ZMIZ1: variants seen among roughly 807,000 people sequenced by gnomAD.
ZMIZ1 encodes zinc finger MIZ domain-containing protein 1.
ZMIZ1 carries 17 observed loss-of-function variants against 113.9 expected under a neutral mutation model. The observed-to-expected ratio is 0.15, with a 90% confidence interval of 0.10 to 0.22. The LOEUF is 0.22. ZMIZ1 is among the 10% of genes least tolerant of loss of function. The pLI is 1.00. For missense variants in ZMIZ1, 1,059 were observed against 1,477.8 expected (o/e 0.72, Z 4.65); for synonymous variants, 607 against 603.1 (o/e 1.01, Z -0.09).
At chr10:79,284,402 A>C (rs1432397786) in intron 8 of ZMIZ1, among the ~76,000 whole-genome samples, 2 of 152,222 alleles carry the variant, frequency 1.3e-5, no homozygotes, top group Non-Finnish European at 2.9e-5. Context: ...AGGCAGAAGA[A>C]AAATGAAGAA....
chr10:79,215,996 G>C (rs184381922), intron 6 of ZMIZ1, among the ~76,000 whole-genome samples, 173 bp from the exon 7 acceptor site: 23 of 152,328 alleles, frequency 1.5e-4, no homozygotes, highest in Admixed American at 6.5e-4. Context: ...CACGGAAGAG[G>C]TGTTCATCAG....
chr10:79,254,237 G>C (rs1850735864), intron 7 of ZMIZ1, among the ~76,000 whole-genome samples: 3 of 152,194 alleles, frequency 2.0e-5, no homozygotes, highest in Admixed American at 2.0e-4. Context: ...TCTCAGGGTG[G>C]CCTGTTTGAG....
rs1855125606 is a variant in ZMIZ1 at position 79,311,121 on chromosome 10, C to G, written c.3033C>G (p.Ser1011=). 6.2e-7 allele frequency: 1 copy of G among 1,613,686 alleles called. No individual in the cohort carries two copies. Among genetic ancestry groups the G allele is most frequent in the Non-Finnish European group, 8.5e-7 (1 of 1,180,048 alleles). The change falls in exon 24 of 25, where the codon TCC becomes TCG. Residue 1011 remains serine, a synonymous_variant. Coordinates refer to ENST00000334512, the MANE Select transcript of ZMIZ1 (RefSeq NM_020338.4). ...HPHSDLTFNP[S]SALEGQAGAQ... Reference sequence around the variant, plus strand: ...ACAGCGACCTGACCTTTAACCCCTCCTCAGCCTTAGAGGGTCAGGCCGGAG... The same window carrying G: ...ACAGCGACCTGACCTTTAACCCCTCGTCAGCCTTAGAGGGTCAGGCCGGAG...
intron 2 of ZMIZ1, among the ~76,000 whole-genome samples, chr10:79,129,691 A>AGGG (rs1844667579): frequency 6.6e-6 from 1 of 152,134 alleles, no homozygotes; most frequent in Non-Finnish European, 1.5e-5. Flanking sequence ...ATTTGCACTG[A>AGGG]GGGCTTTAGT....
At chr10:79,290,881 CCCCTCTTCATTTAT>C in intron 9 of ZMIZ1, 64 bp from the exon 10 acceptor site, 2 of 1,531,376 alleles carry the variant, frequency 1.3e-6, no homozygotes, top group Non-Finnish European at 1.8e-6. Flanking sequence ...TTCTCCCTTT[CCCCTCTTCATTTAT>C]CCCTCTTCCT....
intron 4 of ZMIZ1, among the ~76,000 whole-genome samples, chr10:79,200,641 C>T (rs929829701): frequency 6.6e-6 from 1 of 152,234 alleles, no homozygotes; most frequent in African/African-American, 2.4e-5. Context: ...ATGTGCCACC[C>T]TGGCTTTTCC....
At position 79,314,593 on chromosome 10, in the gene ZMIZ1, T is replaced by C. The variant is rs757717845; in HGVS notation, c.*1844T>C. ...TTTGTGAATATTTTAGTATCGTCTT[T>C]GATAATATTCAACATTTTCATGACC... On this transcript the variant is annotated 3_prime_UTR_variant, in exon 25 of 25. Transcript: ENST00000334512. The C allele has an allele frequency of 2.8e-5, 7 of 247,970 alleles. No homozygotes were observed. The highest frequency in any genetic ancestry group is 4.0e-5 in the Non-Finnish European group (5 of 124,180). 15.4% of individuals were successfully genotyped at this position (247,970 alleles called of 1,614,324 possible). A position where few individuals can be genotyped will look rare whatever the true frequency, so the allele number is the denominator to read the frequency against.
In ZMIZ1 at chr10:79,298,416, C is replaced by T; in HGVS notation, c.1502C>T (p.Pro501Leu). The T allele has an allele frequency of 3.7e-6, 6 of 1,609,090 alleles. No individual in the cohort carries two copies. The highest frequency in any genetic ancestry group is 4.2e-6 in the Non-Finnish European group (5 of 1,177,686). ...SQGNVNRPPR[P>L]VPVANYPHSP... ...TTTCTTTCCCTCCAGCCTCCCAGGC[C>T]GGTTCCTGTGGCAAATTACCCCCAC... The change falls in exon 15 of 25, where the codon CCG becomes CTG. Residue 501 changes from proline (P) to leucine (L), a missense_variant. Coordinates refer to ENST00000334512, the MANE Select transcript of ZMIZ1 (RefSeq NM_020338.4).
chr10:79,191,205 A>G (rs1267954390), intron 4 of ZMIZ1, among the ~76,000 whole-genome samples: 1 of 152,136 alleles, frequency 6.6e-6, no homozygotes, highest in African/African-American at 2.4e-5. Context: ...GGGGGATGCC[A>G]TTAATCCTGC....
chr10:79,104,889 T>C (rs560360407), intron 1 of ZMIZ1, among the ~76,000 whole-genome samples: 46 of 152,138 alleles, frequency 3.0e-4, no homozygotes, highest in Middle Eastern at 6.8e-3. Flanking sequence ...AAAGAAACGA[T>C]GGGCCTTGAT....
chr10:79,306,553 G>A (rs912953366), intron 22 of ZMIZ1, among the ~76,000 whole-genome samples: 1 of 152,100 alleles, frequency 6.6e-6, no homozygotes, highest in Non-Finnish European at 1.5e-5. Flanking sequence ...CCTGGTGGGA[G>A]ATAGACTGCT....
chr10:79,211,888 G>C (rs936331897), intron 6 of ZMIZ1, among the ~76,000 whole-genome samples: 2 of 152,234 alleles, frequency 1.3e-5, no homozygotes, highest in African/African-American at 4.8e-5. Context: ...GTCCAGGAGG[G>C]AACCGGGTTT....
chr10:79,137,533 G>T (rs1009687081), intron 2 of ZMIZ1, among the ~76,000 whole-genome samples: 1 of 152,182 alleles, frequency 6.6e-6, no homozygotes, highest in South Asian at 2.1e-4. Flanking sequence ...GGCAGGGGCG[G>T]GTGGGGCCGT....
intron 7 of ZMIZ1, among the ~76,000 whole-genome samples, chr10:79,261,117 G>A (rs1407053148): frequency 6.6e-6 from 1 of 152,206 alleles, no homozygotes; most frequent in Non-Finnish European, 1.5e-5. Context: ...GCTCCCCCAA[G>A]GGTAGTTGGA....
At chr10:79,128,228 CAG>C (rs1844599958) in intron 2 of ZMIZ1, among the ~76,000 whole-genome samples, 1 of 152,130 alleles carries the variant, frequency 6.6e-6, no homozygotes, top group Non-Finnish European at 1.5e-5. Context: ...TTTGAGCTGC[CAG>C]AGTTTCCCCT....
intron 5 of ZMIZ1, among the ~76,000 whole-genome samples, chr10:79,205,623 C>A (rs142476547): frequency 6.6e-6 from 1 of 152,198 alleles, no homozygotes; most frequent in East Asian, 1.9e-4. Flanking sequence ...ATCACTACCC[C>A]GTTTCACAGA....
Position 79,296,545 on chromosome 10 carries a change from C to G in ZMIZ1, c.1305C>G (p.Asn435Lys), listed in dbSNP as rs781732890. 11 of 1,611,168 alleles carry G rather than the reference C, an allele frequency of 6.8e-6. No homozygotes were observed. Among genetic ancestry groups the G allele is most frequent in the Non-Finnish European group, 8.5e-6 (10 of 1,178,746 alleles). The change falls in exon 13 of 25, where the codon AAC becomes AAG. Residue 435 changes from asparagine to lysine, a missense_variant. Asn to Lys is a moderately conservative substitution (Grantham distance 94). Transcript: ENST00000334512. The surrounding 1 kb of genome is among the most constrained non-coding windows in gnomAD (Gnocchi z 4.1). ...AGCCAGGCCAGTACCCAGCCCCCAA[C>G]CCCCCGAGGCCACTCACCTCCCCCA... ...PTQPGQYPAP[N>K]PPRPLTSPNY...
chr10:79,134,194 G>T (rs1844893910), intron 2 of ZMIZ1, among the ~76,000 whole-genome samples: 1 of 152,196 alleles, frequency 6.6e-6, no homozygotes, highest in South Asian at 2.1e-4. Flanking sequence ...AGATGCCACT[G>T]GGGCTCAGGG....
chr10:79,158,374 A>C (rs1299449325), intron 3 of ZMIZ1, among the ~76,000 whole-genome samples: 2 of 152,102 alleles, frequency 1.3e-5, no homozygotes, highest in African/African-American at 4.8e-5. Flanking sequence ...GAGCCAATGG[A>C]GGGCGGTCGG....
Sources: allele counts gnomAD v4.1 joint callset (sites outside exome capture counted in the v4.1 genomes callset), GRCh38; gene constraint gnomAD v4.1.1; non-coding constraint Gnocchi (gnomAD v3.1); transcripts MANE v1.5; gene names NCBI Gene and HGNC (gene_info 2026-07-23, HGNC 2026-07-21).